Variants in TEX11 observed in about 807,000 individuals in gnomAD.
The protein encoded by TEX11 is testis-expressed protein 11.
In TEX11, 7 loss-of-function variants were observed where a neutral mutation model predicts 84.4. The observed-to-expected ratio is 0.08, with a 90% confidence interval of 0.05 to 0.16. The LOEUF (loss-of-function observed/expected upper bound fraction) is 0.16, where lower values mean the gene tolerates loss of function less well. Ranked by LOEUF, TEX11 falls within the 10% of genes least tolerant of loss-of-function variation. TEX11 has a pLI of 1.00. For synonymous variants in TEX11, 264 were observed against 222.8 expected (o/e 1.18, Z -1.64); for missense variants, 551 against 660.5 (o/e 0.83, Z 1.82).
chrX:70,861,554 C>G (rs1182177836), intron 4 of TEX11, among the ~76,000 whole-genome samples: 2 of 110,299 alleles, frequency 1.8e-5, no homozygotes, highest in Admixed American at 1.9e-4. Context: ...ACAGCCTCCA[C>G]CTCCCAGGTT....
chrX:70,871,788 CTCT>C (rs1042506787), intron 4 of TEX11, among the ~76,000 whole-genome samples: 35 of 106,612 alleles, frequency 3.3e-4, no homozygotes, highest in Non-Finnish European at 5.8e-4. Context: ...TTGCTTTTCC[CTCT>C]TCTTCTCTCC....
chrX:70,590,098 A>G lies in TEX11; in HGVS notation c.2140+1653T>C, dbSNP rs777722875. Among the ~76,000 whole-genome samples, 4 of 112,168 alleles carry G rather than the reference A, an allele frequency of 3.6e-5. No individual in the cohort carries two copies. The South Asian group carries it at 1.5e-3, about 42-fold the overall frequency. ...AATTTTGTAAAACTTCAAAAGGCAC[A>G]CGAAAAGATGATATGTTTTCTGTTC... On this transcript the variant is annotated intron_variant, in intron 25 of 29. Coordinates refer to ENST00000374333, the MANE Select transcript of TEX11 (RefSeq NM_031276.3).
At chrX:70,793,298 C>T (rs2091136092) in intron 9 of TEX11, among the ~76,000 whole-genome samples, 1 of 111,606 alleles carries the variant, frequency 9.0e-6, no homozygotes, top group South Asian at 3.8e-4. Context: ...ACAAGGACGC[C>T]CACACTCACC....
At chrX:70,645,909 T>C (rs374072004) in intron 17 of TEX11, among the ~76,000 whole-genome samples, 2 of 103,200 alleles carry the variant, frequency 1.9e-5, no homozygotes, top group East Asian at 3.0e-4. Flanking sequence ...TTCCCAGAAA[T>C]AAAAAAAAAA....
At chrX:70,729,996 G>A (rs1191891921) in intron 11 of TEX11, among the ~76,000 whole-genome samples, 1 of 112,140 alleles carries the variant, frequency 8.9e-6, no homozygotes, top group African/African-American at 3.2e-5. Context: ...GAGAGTGGGG[G>A]CCAATATTCA....
intron 13 of TEX11, among the ~76,000 whole-genome samples, chrX:70,710,739 T>G (rs1347063244): frequency 9.0e-6 from 1 of 110,782 alleles, no homozygotes; most frequent in East Asian, 2.8e-4. Flanking sequence ...ACATTAAAGT[T>G]TGAGAAGCAC....
intron 14 of TEX11, among the ~76,000 whole-genome samples, chrX:70,679,395 C>T (rs1385451897): frequency 2.8e-5 from 3 of 107,399 alleles, no homozygotes; most frequent in African/African-American, 6.8e-5. Flanking sequence ...TCTGCCCGGC[C>T]GCCCATCGTC....
At chrX:70,835,078 A>C (rs1451254684) in intron 7 of TEX11, among the ~76,000 whole-genome samples, 2 of 110,987 alleles carry the variant, frequency 1.8e-5, no homozygotes, top group Non-Finnish European at 3.8e-5. Context: ...CAAGTGCCTC[A>C]ATAAGCCAAA....
At chrX:70,613,287 G>C (rs1321097694) in intron 20 of TEX11, among the ~76,000 whole-genome samples, 1 of 111,762 alleles carries the variant, frequency 8.9e-6, no homozygotes, top group Admixed American at 9.5e-5. Context: ...GTTGAAAGAG[G>C]AACTGAAGAG....
chrX:70,708,687 A>G (rs1262030002), intron 13 of TEX11, among the ~76,000 whole-genome samples: 1 of 111,492 alleles, frequency 9.0e-6, no homozygotes, highest in Non-Finnish European at 1.9e-5. Context: ...TAAGCAAATT[A>G]AAACAGGAAC....
intron 13 of TEX11, among the ~76,000 whole-genome samples, chrX:70,697,215 C>T (rs751520096): frequency 8.9e-6 from 1 of 112,020 alleles, no homozygotes; most frequent in South Asian, 3.8e-4. Flanking sequence ...GATGATCTCC[C>T]TATTTTAAAT....
At chrX:70,746,667 A>G (rs184604139) in intron 9 of TEX11, among the ~76,000 whole-genome samples, 4 of 112,240 alleles carry the variant, frequency 3.6e-5, no homozygotes, top group African/African-American at 1.3e-4. Flanking sequence ...CATGGAGAAG[A>G]TCATGTCTAA....
At chrX:70,885,076 T>C (rs1299554589) in intron 2 of TEX11, among the ~76,000 whole-genome samples, 1 of 110,848 alleles carries the variant, frequency 9.0e-6, no homozygotes, top group Non-Finnish European at 1.9e-5. Context: ...CCACTCTGGC[T>C]CAGCCCAGAA....
chrX:70,679,651 A>G (rs182351236), intron 14 of TEX11, among the ~76,000 whole-genome samples: 107 of 76,141 alleles, frequency 1.4e-3, no homozygotes, highest in Middle Eastern at 0.01. Flanking sequence ...GAGAAGTGAG[A>G]AGCCCCTCCG....
At chrX:70,765,315 A>C (rs1045375632) in intron 9 of TEX11, among the ~76,000 whole-genome samples, 1 of 111,265 alleles carries the variant, frequency 9.0e-6, no homozygotes, top group Non-Finnish European at 1.9e-5. Context: ...GAACTCAGGA[A>C]GCAGAGGTTG....
intron 20 of TEX11, among the ~76,000 whole-genome samples, chrX:70,623,182 C>G (rs2089414366): frequency 9.0e-6 from 1 of 111,536 alleles, no homozygotes; most frequent in African/African-American, 3.3e-5. Context: ...ACATTGCCTC[C>G]AGCTGCAAAA....
At chrX:70,730,712 T>C (rs1266251903) in intron 11 of TEX11, among the ~76,000 whole-genome samples, 1 of 111,591 alleles carries the variant, frequency 9.0e-6, no homozygotes, top group Non-Finnish European at 1.9e-5. Flanking sequence ...TGGGAGACTT[T>C]AACACCCCAC....
intron 13 of TEX11, among the ~76,000 whole-genome samples, chrX:70,713,167 T>A (rs956295329): frequency 8.9e-6 from 1 of 111,898 alleles, no homozygotes; most frequent in African/African-American, 3.2e-5. Flanking sequence ...GAGAAGCTTT[T>A]TGATGTGCTG....
At chrX:70,606,051 G>T (rs141069685) in intron 23 of TEX11, among the ~76,000 whole-genome samples, 152 of 112,339 alleles carry the variant, frequency 1.4e-3, no homozygotes, top group Non-Finnish European at 4.7e-4. Context: ...AATCCTACAA[G>T]TCCCATCACA....
Sources: gnomAD v4.1 joint callset for allele counts (sites outside exome capture counted in the v4.1 genomes callset) on GRCh38, gnomAD v4.1.1 for gene constraint, MANE v1.5 for transcripts, NCBI Gene and HGNC (gene_info 2026-07-23, HGNC 2026-07-21) for gene names.